Variants in LRCH2 observed in about 807,000 individuals in gnomAD.
LRCH2 encodes leucine rich repeats and calponin homology domain containing 2, also known as leucine-rich repeat and calponin homology domain-containing protein 2.
A neutral mutation model predicts 68.9 loss-of-function variants in LRCH2; 38 were observed. The observed-to-expected ratio is 0.55, with a 90% CI of 0.43 to 0.72. The LOEUF (loss-of-function observed/expected upper bound fraction) is 0.72, where lower values mean the gene tolerates loss of function less well. Ranked by LOEUF, LRCH2 falls within the 30% of genes least tolerant of loss-of-function variation. The pLI, the probability that LRCH2 is intolerant of heterozygous loss-of-function variation, is 0.00. For missense variants in LRCH2, 528 were observed against 572.9 expected (o/e 0.92, Z 0.80); for synonymous variants, 191 against 208.1 (o/e 0.92, Z 0.71).
Position 115,119,652 on chromosome X carries a change from A to G in LRCH2, c.2178+2875T>C, listed in dbSNP as rs1475254528. Among the ~76,000 whole-genome samples, 3 of 74,561 alleles carry G rather than the reference A, an allele frequency of 4.0e-5. No homozygotes were observed. The East Asian group carries it at 1.2e-3, about 31-fold the overall frequency. 64.7% of individuals were successfully genotyped at this position (74,561 alleles called of 115,157 possible). A position where few individuals can be genotyped will look rare whatever the true frequency, so the allele number is the denominator to read the frequency against. On this transcript the variant is annotated intron_variant, in intron 20 of 20. Transcript: ENST00000317135. The stretch of plus-strand genomic sequence containing the variant: ...TCAAGCTACCAATGACTTTCTTCAC[A>G]GAATTGGAAAAAACTACTTTAAAGT...
At chrX:115,153,479 C>G (rs1240828063) in intron 12 of LRCH2, among the ~76,000 whole-genome samples, 2 of 110,979 alleles carry the variant, frequency 1.8e-5, no homozygotes, top group Non-Finnish European at 3.8e-5. Context: ...ATAAAGGGCA[C>G]TGGAGATAGT....
At chrX:115,135,011 G>A (rs781989194) in intron 14 of LRCH2, among the ~76,000 whole-genome samples, 9 of 111,397 alleles carry the variant, frequency 8.1e-5, no homozygotes, top group Admixed American at 1.9e-4. Flanking sequence ...CATTCTGATC[G>A]TCATGGACGA....
chrX:115,190,126 T>C (rs1278617748), intron 1 of LRCH2: 8 of 1,158,377 alleles, frequency 6.9e-6, no homozygotes, highest in African/African-American at 1.8e-5. Flanking sequence ...CCCGGCCGTG[T>C]GGGGGCAAGA....
chrX:115,140,631 G>A (rs1182047895), intron 14 of LRCH2, among the ~76,000 whole-genome samples: 1 of 110,776 alleles, frequency 9.0e-6, no homozygotes, highest in Non-Finnish European at 1.9e-5. Flanking sequence ...GTGAGTCCCA[G>A]GACTGGCAGC....
intron 11 of LRCH2, among the ~76,000 whole-genome samples, chrX:115,162,070 C>A (rs2072523804): frequency 9.2e-6 from 1 of 108,301 alleles, no homozygotes; most frequent in Admixed American, 1.0e-4. Flanking sequence ...CAGGTGCACA[C>A]CACCATGCCC....
intron 12 of LRCH2, among the ~76,000 whole-genome samples, chrX:115,154,565 CAAAT>C (rs1278729768): frequency 1.6e-4 from 18 of 111,327 alleles, no homozygotes; most frequent in African/African-American, 5.9e-4. Flanking sequence ...TGCAAACAAA[CAAAT>C]TACAAAAGAA....
At chrX:115,168,526 C>T (rs2072581659) in intron 6 of LRCH2, among the ~76,000 whole-genome samples, 1 of 111,760 alleles carries the variant, frequency 8.9e-6, no homozygotes, top group Admixed American at 9.5e-5. Flanking sequence ...TTTGGATATA[C>T]TCAAATAACA....
chrX:115,232,681 TGAC>T (rs2073160717), intron 1 of LRCH2, among the ~76,000 whole-genome samples: 1 of 112,062 alleles, frequency 8.9e-6, no homozygotes, highest in African/African-American at 3.2e-5. Context: ...TGTTTCAAAA[TGAC>T]GACATCTATT....
chrX:115,152,698 G>A (rs1051948534), intron 12 of LRCH2, among the ~76,000 whole-genome samples: 5 of 110,693 alleles, frequency 4.5e-5, no homozygotes, highest in Non-Finnish European at 9.5e-5. Context: ...AAACATATCT[G>A]AAGAAATAAG....
Position 115,121,485 on chromosome X carries a change from C to T in LRCH2, c.2178+1042G>A, listed in dbSNP as rs185236550. On this transcript the variant is annotated intron_variant, in intron 20 of 20. Coordinates refer to ENST00000317135, the MANE Select transcript of LRCH2 (RefSeq NM_020871.4). ...TGGCCAACATGGTGAAACTCCGTCT[C>T]TATTAAAAATAAAAAATTATCTGGG... Among the ~76,000 whole-genome samples, 596 of 110,791 alleles carry T rather than the reference C, an allele frequency of 5.4e-3. 6 individuals are homozygous for T. The highest frequency in any genetic ancestry group is 0.019 in the African/African-American group (576 of 30,571).
In LRCH2 at chrX:115,233,675, C is replaced by T; in HGVS notation, c.349+18G>A. ...CCTCCTCCTTCACAGCCAGCTTCCC[C>T]TCCCCCCGTCCTGTCACCTGCTTGG... On this transcript the variant is annotated intron_variant, in intron 1 of 20. Transcript: ENST00000317135. The T allele has an allele frequency of 8.9e-7, 1 of 1,122,446 alleles. No individual in the cohort carries two copies. Among genetic ancestry groups the T allele is most frequent in the Non-Finnish European group, 1.2e-6 (1 of 848,220 alleles). 92.5% of individuals were successfully genotyped at this position (1,122,446 alleles called of 1,213,427 possible).
chrX:115,135,565 G>A (rs190236005), intron 14 of LRCH2, among the ~76,000 whole-genome samples: 1 of 112,267 alleles, frequency 8.9e-6, no homozygotes, highest in Admixed American at 9.5e-5. Context: ...TGAAGAAGCT[G>A]TGAACACTGT....
chrX:115,163,230 G>C (rs1269575184), intron 11 of LRCH2, among the ~76,000 whole-genome samples: 1 of 111,083 alleles, frequency 9.0e-6, no homozygotes, highest in Non-Finnish European at 1.9e-5. Context: ...GTTTTAAAAA[G>C]CACGTTATAT....
intron 11 of LRCH2, among the ~76,000 whole-genome samples, chrX:115,159,445 T>C (rs2147381757): frequency 1.8e-5 from 2 of 109,430 alleles, no homozygotes; most frequent in African/African-American, 6.6e-5. Context: ...ATAAAGACTG[T>C]TTATCAATTA....
intron 14 of LRCH2, among the ~76,000 whole-genome samples, chrX:115,133,823 A>C (rs972845016): frequency 1.8e-5 from 2 of 111,747 alleles, no homozygotes; most frequent in Non-Finnish European, 3.8e-5. Flanking sequence ...AATTAGGCCA[A>C]CTAATAATCC....
chrX:115,177,152 C>T (rs782418246), intron 5 of LRCH2, among the ~76,000 whole-genome samples: 16 of 103,543 alleles, frequency 1.5e-4, no homozygotes, highest in African/African-American at 4.7e-4. Flanking sequence ...GCAGCCTCAA[C>T]CTACTGGGTT....
chrX:115,221,244 T>TAA lies in LRCH2; in HGVS notation c.349+12447_349+12448dup, dbSNP rs1556573786. 4.6e-3 allele frequency among the ~76,000 whole-genome samples: 400 copies of TAA among 86,460 alleles called. 4 individuals carry two copies. The highest frequency in any genetic ancestry group is 0.019 in the African/African-American group (377 of 19,913). 75.1% of individuals were successfully genotyped at this position (86,460 alleles called of 115,157 possible). ...ATATATATATATATATATATATATA[T>TAA]AAACTACAGCAAATTTCCAAACTGT... is the stretch of plus-strand genomic sequence containing the variant. On this transcript the variant is annotated intron_variant, in intron 1 of 20. Coordinates refer to ENST00000317135, the MANE Select transcript of LRCH2 (RefSeq NM_020871.4).
At chrX:115,113,865 C>CA (rs2072060924) in intron 20 of LRCH2, among the ~76,000 whole-genome samples, 1 of 111,325 alleles carries the variant, frequency 9.0e-6, no homozygotes, top group Admixed American at 9.6e-5. Flanking sequence ...CAGTAGCTTT[C>CA]ATTAATTAGC....
intron 14 of LRCH2, among the ~76,000 whole-genome samples, chrX:115,135,472 T>C (rs1347689562): frequency 1.8e-5 from 2 of 111,249 alleles, no homozygotes; most frequent in African/African-American, 6.5e-5. Context: ...TGTAATCTCA[T>C]GATAAAACTT....
Sources: gnomAD v4.1 joint callset for allele counts (sites outside exome capture counted in the v4.1 genomes callset) on GRCh38, gnomAD v4.1.1 for gene constraint, MANE v1.5 for transcripts, NCBI Gene and HGNC (gene_info 2026-07-23, HGNC 2026-07-21) for gene names.